The following TASP1 variants were observed in gnomAD, a reference collection of about 807,000 sequenced individuals.
TASP1 encodes threonine aspartase 1.
Under a neutral mutation model 56.6 loss-of-function variants are expected in TASP1, and 16 were observed. The ratio of observed to expected loss-of-function variants is 0.28; its 90% CI spans 0.19 to 0.43. The LOEUF is 0.43. Ranked by LOEUF, TASP1 falls within the 20% of genes least tolerant of loss-of-function variation. The pLI, the probability that TASP1 is intolerant of heterozygous loss-of-function variation, is 1.00. For missense variants in TASP1, 393 were observed against 511.6 expected, an observed-to-expected ratio of 0.77 and a Z score of 2.24; for synonymous variants, 179 against 184.2, an observed-to-expected ratio of 0.97 and a Z score of 0.23.
At chr20:13,419,367 AAAGG>A (rs1183883406) in intron 12 of TASP1, among the ~76,000 whole-genome samples, 1 of 152,162 alleles carries the variant, frequency 6.6e-6, no homozygotes, top group Non-Finnish European at 1.5e-5. Context: ...GAATCTGGGA[AAAGG>A]AATCATGGTT....
the TASP1 span, among the ~76,000 whole-genome samples, chr20:13,234,425 G>C: frequency 6.6e-6 from 1 of 152,120 alleles, no homozygotes; most frequent in Middle Eastern, 3.2e-3. Flanking sequence ...ATGAGTGCGG[G>C]TATCTTTTTG....
chr20:13,294,540 T>C, the TASP1 span, among the ~76,000 whole-genome samples: 7 of 152,294 alleles, frequency 4.6e-5, no homozygotes, highest in East Asian at 1.9e-4. Flanking sequence ...CAAAGCCACA[T>C]TGGCATGTGG....
chr20:13,448,019 T>C (rs1318694973), intron 11 of TASP1, among the ~76,000 whole-genome samples: 1 of 152,146 alleles, frequency 6.6e-6, no homozygotes, highest in African/African-American at 2.4e-5. Context: ...GGCTTCTGTG[T>C]TGGCAGTTTT....
intron 10 of TASP1, among the ~76,000 whole-genome samples, chr20:13,524,387 T>C (rs2146827608): frequency 6.6e-6 from 1 of 152,264 alleles, no homozygotes; most frequent in South Asian, 2.1e-4. Flanking sequence ...CAAATTGAAT[T>C]ATATTTTAAA....
chr20:13,610,032 T>C (rs765371545), intron 4 of TASP1, among the ~76,000 whole-genome samples: 1 of 152,210 alleles, frequency 6.6e-6, no homozygotes, highest in Non-Finnish European at 1.5e-5. Context: ...ATAAATGGCA[T>C]GATTCTATCA....
At chr20:13,565,891 A>C (rs1429053448) in intron 7 of TASP1, among the ~76,000 whole-genome samples, 1 of 152,228 alleles carries the variant, frequency 6.6e-6, no homozygotes, top group Non-Finnish European at 1.5e-5. Context: ...AGATATTTGC[A>C]TAGCCATGTT....
the TASP1 span, among the ~76,000 whole-genome samples, chr20:13,311,590 G>T: frequency 3.9e-5 from 6 of 152,194 alleles, no homozygotes; most frequent in East Asian, 9.6e-4. Flanking sequence ...CACATTATGA[G>T]ATGCTAGTCA....
chr20:13,224,234 T>C, the TASP1 span, among the ~76,000 whole-genome samples: 1 of 152,192 alleles, frequency 6.6e-6, no homozygotes, highest in African/African-American at 2.4e-5. Flanking sequence ...GTTCATAATT[T>C]TGCTGTTTTG....
At chr20:13,408,305 C>T (rs1369161128) in intron 13 of TASP1, among the ~76,000 whole-genome samples, 1 of 152,126 alleles carries the variant, frequency 6.6e-6, no homozygotes, top group African/African-American at 2.4e-5. Flanking sequence ...CATTTGTTGG[C>T]AATGACTGAC....
At chr20:13,234,547 T>A in the TASP1 span, among the ~76,000 whole-genome samples, 1 of 152,248 alleles carries the variant, frequency 6.6e-6, no homozygotes, top group Admixed American at 6.5e-5. Flanking sequence ...TCTATAAAGG[T>A]TGTGCTTATT....
At chr20:13,561,169 G>C (rs2046331915) in intron 7 of TASP1, among the ~76,000 whole-genome samples, 1 of 152,134 alleles carries the variant, frequency 6.6e-6, no homozygotes, top group Non-Finnish European at 1.5e-5. Flanking sequence ...AACTGAGATA[G>C]TTCATTTTTA....
chr20:13,476,106 T>G (rs1273066142), intron 11 of TASP1, among the ~76,000 whole-genome samples: 1 of 151,938 alleles, frequency 6.6e-6, no homozygotes, highest in African/African-American at 2.4e-5. Flanking sequence ...GCAACAGGAG[T>G]GAAACTCCAT....
At chr20:13,636,791 C>G (rs1029624098) in intron 1 of TASP1, among the ~76,000 whole-genome samples, 1 of 152,082 alleles carries the variant, frequency 6.6e-6, no homozygotes, top group African/African-American at 2.4e-5. Context: ...GTCCTTTCAT[C>G]AAATGATGCT....
intron 11 of TASP1, among the ~76,000 whole-genome samples, chr20:13,440,276 A>AG (rs2043168191): frequency 2.0e-5 from 3 of 152,236 alleles, no homozygotes; most frequent in Admixed American, 6.5e-5. Context: ...AGAAAGCTAC[A>AG]GGATGAATGT....
intron 10 of TASP1, among the ~76,000 whole-genome samples, chr20:13,491,015 A>G (rs2043508040): frequency 6.6e-6 from 1 of 152,166 alleles, no homozygotes; most frequent in African/African-American, 2.4e-5. Flanking sequence ...TGTTCCTTCT[A>G]TTAAAGTGAT....
At chr20:13,623,551 T>G (rs1432257811) in intron 3 of TASP1, 37 bp from the exon 4 acceptor site, 1 of 1,369,642 alleles carries the variant, frequency 7.3e-7, no homozygotes, top group East Asian at 2.3e-5. Context: ...CATTGCAAAA[T>G]CACAACTTCT....
At chr20:13,149,307 C>G in the TASP1 span, among the ~76,000 whole-genome samples, 1 of 152,212 alleles carries the variant, frequency 6.6e-6, no homozygotes, top group Non-Finnish European at 1.5e-5. Flanking sequence ...CCTTTGCCAT[C>G]CTAGCATGGC....
intron 4 of TASP1, among the ~76,000 whole-genome samples, chr20:13,595,342 A>G (rs2047688574): frequency 6.6e-6 from 1 of 152,228 alleles, no homozygotes; most frequent in African/African-American, 2.4e-5. Context: ...ACCAGCTAAC[A>G]TCATAATGAC....
At chr20:13,480,264 C>T (rs1417537632) in intron 11 of TASP1, among the ~76,000 whole-genome samples, 1 of 152,192 alleles carries the variant, frequency 6.6e-6, no homozygotes, top group Admixed American at 6.5e-5. Context: ...ACTTGTTTAA[C>T]CAATGAGACG....
Sources: gnomAD v4.1 joint callset for allele counts (sites outside exome capture counted in the v4.1 genomes callset) on GRCh38, gnomAD v4.1.1 for gene constraint, MANE v1.5 for transcripts, NCBI Gene and HGNC (gene_info 2026-07-23, HGNC 2026-07-21) for gene names.